ATXN7L1: variants seen among roughly 807,000 people sequenced by gnomAD.
ATXN7L1 encodes ataxin-7-like protein 1.
A neutral mutation model predicts 70.8 loss-of-function variants in ATXN7L1; 15 were observed. The ratio of observed to expected loss-of-function variants is 0.21; its 90% CI spans 0.14 to 0.33. The LOEUF is 0.33. Ranked by LOEUF, ATXN7L1 falls within the 10% of genes least tolerant of loss-of-function variation. The pLI is 1.00. For missense variants in ATXN7L1, 975 were observed against 1,097.1 expected (o/e 0.89, Z 1.57); for synonymous variants, 440 against 445.1 (o/e 0.99, Z 0.14).
chr7:105,669,165 C>T (rs1056380913), intron 3 of ATXN7L1, among the ~76,000 whole-genome samples: 1 of 152,192 alleles, frequency 6.6e-6, no homozygotes, highest in Non-Finnish European at 1.5e-5. Context: ...TCACTGCAAC[C>T]TCTGTCTCCA....
At chr7:105,838,723 C>T (rs899137898) in intron 2 of ATXN7L1, among the ~76,000 whole-genome samples, 6 of 152,164 alleles carry the variant, frequency 3.9e-5, no homozygotes, top group Admixed American at 1.3e-4. Flanking sequence ...TTACTCTGCG[C>T]GTCTGGCACC....
chr7:105,842,445 A>G (rs1288862383), intron 2 of ATXN7L1, among the ~76,000 whole-genome samples: 1 of 152,164 alleles, frequency 6.6e-6, no homozygotes, highest in African/African-American at 2.4e-5. Flanking sequence ...TGAATGTTTC[A>G]TATGCATGGA....
chr7:105,827,858 C>T (rs1811094331), intron 2 of ATXN7L1, among the ~76,000 whole-genome samples: 2 of 152,178 alleles, frequency 1.3e-5, no homozygotes, highest in South Asian at 4.1e-4. Context: ...AGCAGTCGGG[C>T]TGCATCCTAT....
chr7:105,636,334 G>A (rs2115885125), intron 7 of ATXN7L1, among the ~76,000 whole-genome samples: 1 of 151,186 alleles, frequency 6.6e-6, no homozygotes, highest in East Asian at 2.0e-4. Context: ...GGCGGAGGTT[G>A]CAGTGAGCCG....
intron 11 of ATXN7L1, among the ~76,000 whole-genome samples, chr7:105,609,966 T>A (rs1327975489): frequency 6.6e-6 from 1 of 151,978 alleles, no homozygotes; most frequent in Non-Finnish European, 1.5e-5. Flanking sequence ...GGAGATGGTG[T>A]TTCACTATAT....
chr7:105,875,627 A>ACC (rs3835024), intron 2 of ATXN7L1, among the ~76,000 whole-genome samples, 185 bp downstream of exon 2: 40,193 of 93,788 alleles, frequency 0.43, 7,828 homozygotes, highest in Admixed American at 0.53. Context: ...ACCCCCCTTT[A>ACC]CCCCCCCCCC....
At chr7:105,691,658 T>TAAA (rs34303034) in intron 3 of ATXN7L1, 5 of 110,920 alleles carry the variant, frequency 4.5e-5, no homozygotes, top group Non-Finnish European at 7.4e-5. Flanking sequence ...CGGATGTCAG[T>TAAA]AAAAAAAAAA....
intron 3 of ATXN7L1, among the ~76,000 whole-genome samples, chr7:105,672,113 C>T (rs1452753711): frequency 2.0e-5 from 3 of 151,834 alleles, no homozygotes; most frequent in Admixed American, 6.6e-5. Context: ...TGGTAAAACC[C>T]GGTCTCTACT....
intron 3 of ATXN7L1, among the ~76,000 whole-genome samples, chr7:105,688,266 A>G (rs1790232389): frequency 6.6e-6 from 1 of 152,098 alleles, no homozygotes; most frequent in African/African-American, 2.4e-5. Context: ...CTGGGGACGG[A>G]CACGGTGGTT....
chr7:105,868,216 C>T (rs574470424), intron 2 of ATXN7L1, among the ~76,000 whole-genome samples: 99 of 152,140 alleles, frequency 6.5e-4, no homozygotes, highest in Non-Finnish European at 1.2e-3. Context: ...CTCAGTGAGG[C>T]CCCCCCACCA....
chr7:105,656,731 C>T lies in ATXN7L1; in HGVS notation c.578+8335G>A, dbSNP rs145041429. Among the ~76,000 whole-genome samples, 12 of 152,244 alleles carry T rather than the reference C, an allele frequency of 7.9e-5. No homozygotes were observed. The South Asian group carries it at 8.3e-4, about 11-fold the overall frequency. ...GATTACAGGTGCCCGCCACTACACT[C>T]GGCTAATTTTTGTACTTTTAGTAGG... On this transcript the variant is annotated intron_variant, in intron 4 of 11. Coordinates refer to ENST00000419735, the MANE Select transcript of ATXN7L1 (RefSeq NM_020725.2).
chr7:105,786,929 T>C (rs1332529794), intron 3 of ATXN7L1, among the ~76,000 whole-genome samples: 3 of 152,222 alleles, frequency 2.0e-5, no homozygotes, highest in Admixed American at 1.3e-4. Context: ...TGATGTAGCC[T>C]CTGCGTTCTC....
chr7:105,756,429 G>A (rs1799815994), intron 3 of ATXN7L1, among the ~76,000 whole-genome samples: 1 of 152,120 alleles, frequency 6.6e-6, no homozygotes, highest in Admixed American at 6.5e-5. Flanking sequence ...AAGCGACCAG[G>A]GAATGCTTCT....
chr7:105,614,954 G>C lies in ATXN7L1; in HGVS notation c.1518-138C>G. 9.4e-7 allele frequency: 1 copy of C among 1,063,684 alleles called. No homozygotes were observed. The highest frequency in any genetic ancestry group is 1.3e-6 in the Non-Finnish European group (1 of 763,524). The allele number at this position is 1,063,684 out of a possible 1,614,324, so 65.9% of individuals were successfully genotyped here. A position where few individuals can be genotyped will look rare whatever the true frequency, so the allele number is the denominator to read the frequency against. ...GACTATGGAGAATGGAGCCTTGAAGGATGGGAGAATCTGAAGCATGGCCCC... is the reference window on the plus strand; with the variant it reads ...GACTATGGAGAATGGAGCCTTGAAGCATGGGAGAATCTGAAGCATGGCCCC... On this transcript the variant is annotated intron_variant, in intron 9 of 11. Coordinates refer to ENST00000419735, the MANE Select transcript of ATXN7L1 (RefSeq NM_020725.2). The surrounding 1 kb of genome is among the most constrained non-coding windows in gnomAD (Gnocchi z 4.3).
At chr7:105,636,447 G>GCCC (rs11433155) in intron 7 of ATXN7L1, among the ~76,000 whole-genome samples, 25 of 139,422 alleles carry the variant, frequency 1.8e-4, no homozygotes, top group Non-Finnish European at 2.3e-4. Context: ...GTGTTCCTCT[G>GCCC]CCCCCCCCAC....
chr7:105,669,220 T>C (rs1210607170), intron 3 of ATXN7L1, among the ~76,000 whole-genome samples: 1 of 152,202 alleles, frequency 6.6e-6, no homozygotes, highest in African/African-American at 2.4e-5. Flanking sequence ...TAGCTGCGAT[T>C]ACAGGTACGC....
chr7:105,681,576 C>T (rs485832), intron 3 of ATXN7L1, among the ~76,000 whole-genome samples: 122,558 of 152,096 alleles, frequency 0.81, 49,597 homozygotes, highest in South Asian at 0.9. Context: ...TGCAAAAGAA[C>T]TGGTATCTCA....
chr7:105,768,124 C>T (rs948606042), intron 3 of ATXN7L1, among the ~76,000 whole-genome samples: 1 of 152,232 alleles, frequency 6.6e-6, no homozygotes, highest in Non-Finnish European at 1.5e-5. Context: ...CTCTTCCTGC[C>T]ACCAACTGAT....
chr7:105,665,381 G>C (rs1802459251), intron 3 of ATXN7L1, 93 bp from the exon 4 acceptor site: 4 of 1,045,752 alleles, frequency 3.8e-6, no homozygotes, highest in Admixed American at 2.1e-5. Flanking sequence ...AACAGGCGGA[G>C]AGAAGCGCTT....
Sources: allele counts gnomAD v4.1 joint callset (sites outside exome capture counted in the v4.1 genomes callset), GRCh38; gene constraint gnomAD v4.1.1; non-coding constraint Gnocchi (gnomAD v3.1); transcripts MANE v1.5; gene names NCBI Gene and HGNC (gene_info 2026-07-23, HGNC 2026-07-21).